The following NPRL3 variants were observed in gnomAD, a reference collection of about 807,000 sequenced individuals.
The protein encoded by NPRL3 is NPR3 like, GATOR1 complex subunit.
NPRL3 carries 23 observed loss-of-function variants against 57.2 expected under a neutral mutation model. The ratio of observed to expected loss-of-function variants is 0.40; its 90% CI spans 0.29 to 0.57. The LOEUF (loss-of-function observed/expected upper bound fraction) is 0.57, where lower values mean the gene tolerates loss of function less well. Ranked by LOEUF, NPRL3 falls within the 20% of genes least tolerant of loss-of-function variation. NPRL3 has a pLI of 0.42. For missense variants in NPRL3, 691 were observed against 767.1 expected (o/e 0.90, Z 1.17); for synonymous variants, 333 against 321.1 (o/e 1.04, Z -0.39).
intron 11 of NPRL3, chr16:91,212 T>G (rs1221059423): frequency 6.6e-6 from 1 of 151,546 alleles, no homozygotes; most frequent in Non-Finnish European, 1.5e-5. Flanking sequence ...ACCCCGTCTC[T>G]ACTAAAAATA....
intron 9 of NPRL3, among the ~76,000 whole-genome samples, chr16:95,271 C>T (rs1044346255): frequency 3.4e-5 from 5 of 147,024 alleles, no homozygotes; most frequent in African/African-American, 5.1e-5. Flanking sequence ...CCAATCACAA[C>T]GAATATACAG....
At chr16:126,284 A>T (rs558259452) in intron 3 of NPRL3, 1 of 150,140 alleles carries the variant, frequency 6.7e-6, no homozygotes, top group Non-Finnish European at 1.5e-5. Context: ...GGCCGGGTGC[A>T]GTGGTTCACG....
At chr16:98,353 C>T in intron 8 of NPRL3, 52 bp from the exon 9 acceptor site, 1 of 1,583,550 alleles carries the variant, frequency 6.3e-7, no homozygotes, top group Non-Finnish European at 8.6e-7. Context: ...AACCCTGCAC[C>T]GGGTATGCAC....
chr16:97,847 T>A (rs1899088289), intron 9 of NPRL3, among the ~76,000 whole-genome samples: 1 of 152,094 alleles, frequency 6.6e-6, no homozygotes, highest in Non-Finnish European at 1.5e-5. Flanking sequence ...CTAGCTCTGG[T>A]GCCTCAACCT....
At chr16:97,410 A>AT (rs34410203) in intron 9 of NPRL3, among the ~76,000 whole-genome samples, 64,884 of 115,138 alleles carry the variant, frequency 0.56, 19,447 homozygotes, top group Non-Finnish European at 0.65. Context: ...ACACCCAGCT[A>AT]TTTTTTTTTT....
intron 7 of NPRL3, among the ~76,000 whole-genome samples, chr16:106,384 G>A (rs1899527926): frequency 6.6e-6 from 1 of 152,086 alleles, no homozygotes. Flanking sequence ...TATAATCCCA[G>A]CACTTTGGGA....
intron 3 of NPRL3, among the ~76,000 whole-genome samples, chr16:120,671 C>A (rs556598008): frequency 5.3e-5 from 8 of 152,320 alleles, no homozygotes; most frequent in African/African-American, 1.7e-4. Flanking sequence ...AGTCAGGTTG[C>A]AGTTGGACCT....
At chr16:103,324 T>TTTTG (rs1171288913) in intron 7 of NPRL3, among the ~76,000 whole-genome samples, 1 of 128,874 alleles carries the variant, frequency 7.8e-6, no homozygotes, top group Non-Finnish European at 1.6e-5. Flanking sequence ...TTTTTTTTTT[T>TTTTG]TGTAGAGACA....
Position 90,059 on chromosome 16 carries a change from A to G in NPRL3, c.1162-157T>C, listed in dbSNP as rs1043801134. 2.0e-5 allele frequency: 14 copies of G among 700,870 alleles called. No homozygotes were observed. The African/African-American group carries it at 2.3e-4, about 11-fold the overall frequency. 43.4% of individuals were successfully genotyped at this position (700,870 alleles called of 1,614,324 possible). A position where few individuals can be genotyped will look rare whatever the true frequency, so the allele number is the denominator to read the frequency against. On this transcript the variant is annotated intron_variant, in intron 11 of 13. Transcript: ENST00000611875. ...CTCAGAAAGGGAGCCCCCAGCTGCC[A>G]GCCAGCTCTGCAAGGCCCGCTCACC... is the stretch of plus-strand genomic sequence containing the variant.
At chr16:119,032 A>G in intron 4 of NPRL3, 94 bp downstream of exon 4, 1 of 1,465,954 alleles carries the variant, frequency 6.8e-7, no homozygotes, top group Non-Finnish European at 9.0e-7. Context: ...ACACCTGCCC[A>G]AGGAGAGCCA....
chr16:113,852 T>C (rs917101790), intron 5 of NPRL3, among the ~76,000 whole-genome samples: 39 of 152,346 alleles, frequency 2.6e-4, no homozygotes, highest in African/African-American at 9.1e-4. Context: ...AGAAATTCTC[T>C]ATATTCTCAT....
intron 13 of NPRL3, among the ~76,000 whole-genome samples, chr16:87,335 C>T (rs997275610): frequency 5.9e-5 from 9 of 151,994 alleles, no homozygotes; most frequent in African/African-American, 9.7e-5. Context: ...CAGATTCAAG[C>T]GATTCTCCTG....
intron 7 of NPRL3, among the ~76,000 whole-genome samples, chr16:106,342 G>C (rs1257946599): frequency 6.6e-6 from 1 of 150,628 alleles, no homozygotes; most frequent in Non-Finnish European, 1.5e-5. Context: ...AAATAAAATA[G>C]CAACTGGGGG....
intron 8 of NPRL3, among the ~76,000 whole-genome samples, chr16:99,984 G>GA (rs11402477): frequency 0.084 from 9,727 of 115,772 alleles, 661 homozygotes; most frequent in African/African-American, 0.25. Context: ...AAAAGAAAAA[G>GA]AAAAAAAAAA....
In NPRL3 at chr16:93,505, C is replaced by T. The variant is rs6600233; in HGVS notation, c.925-180G>A. 0.33 allele frequency among the ~76,000 whole-genome samples: 49,753 copies of T among 151,840 alleles called. 9,694 individuals carry two copies. Among genetic ancestry groups the T allele is most frequent in the Non-Finnish European group, 0.45 (30,578 of 67,936 alleles). On this transcript the variant is annotated intron_variant, in intron 9 of 13. Transcript: ENST00000611875. ...CCTCCCTAACGTGGAATAGCACCTT[C>T]GCAACCTCTCACTAGGATGTGGGGC...
At position 86,370 on chromosome 16, in the gene NPRL3, T is replaced by G; in HGVS notation, c.*335A>C. ...CAGGTGTAGGGACAGAAGGAGGGTC[T>G]GAGAAACGCACAGCCCACATGGGCC... On this transcript the variant is annotated 3_prime_UTR_variant, in exon 14 of 14. Coordinates refer to ENST00000611875, the MANE Select transcript of NPRL3 (RefSeq NM_001077350.3). The G allele has an allele frequency of 3.5e-6, 1 of 286,290 alleles. No homozygotes were observed. Among genetic ancestry groups the G allele is most frequent in the South Asian group, 7.0e-5 (1 of 14,388 alleles). 17.7% of individuals were successfully genotyped at this position (286,290 alleles called of 1,614,324 possible).
In NPRL3 at chr16:117,314, A is replaced by G; in HGVS notation, c.380T>C (p.Val127Ala). 6.2e-7 allele frequency: 1 copy of G among 1,611,378 alleles called. No homozygotes were observed. Among genetic ancestry groups the G allele is most frequent in the Non-Finnish European group, 8.5e-7 (1 of 1,177,784 alleles). ...ATAAACACTCACCCTCAGTGCAAAC[A>G]CCACATTAAAAAGAATCATAGTAGG... is the stretch of plus-strand genomic sequence containing the variant. Reference protein sequence around the residue: ...EAPTMILFNVVFALRANADPS... With the variant: ...EAPTMILFNVAFALRANADPS... Residue 127 changes from valine to alanine, a missense_variant, in exon 5 of 14, where the codon GTG becomes GCG. Coordinates refer to ENST00000611875, the MANE Select transcript of NPRL3 (RefSeq NM_001077350.3).
chr16:98,031 T>A, intron 9 of NPRL3, 114 bp downstream of exon 9: 1 of 1,330,774 alleles, frequency 7.5e-7, no homozygotes, highest in Admixed American at 2.1e-5. Flanking sequence ...TGGTGGGCTG[T>A]GCCGCGGCTC....
Position 112,675 on chromosome 16 carries a change from C to A in NPRL3, c.494G>T (p.Arg165Leu). ...HEERRCQYLT[R>L]EAKLILALQD... is the part of the protein sequence containing the mutation. ...GAGCGCCAGGATCAGCTTGGCCTCC[C>A]GGGTGAGGTACTGGCAGCGGCGCTC... is the stretch of plus-strand genomic sequence containing the variant. Residue 165 changes from arginine to leucine, a missense_variant, in exon 6 of 14, where the codon CGG becomes CTG. Coordinates refer to ENST00000611875, the MANE Select transcript of NPRL3 (RefSeq NM_001077350.3). 6.2e-7 allele frequency: 1 copy of A among 1,608,354 alleles called. No homozygotes were observed. The highest frequency in any genetic ancestry group is 2.2e-5 in the East Asian group (1 of 44,630).
Sources: gnomAD v4.1 joint callset for allele counts (sites outside exome capture counted in the v4.1 genomes callset) on GRCh38, gnomAD v4.1.1 for gene constraint, MANE v1.5 for transcripts, NCBI Gene and HGNC (gene_info 2026-07-23, HGNC 2026-07-21) for gene names.